CEP112: variants seen among roughly 807,000 people sequenced by gnomAD.
CEP112 encodes the protein centrosomal protein of 112 kDa.
In CEP112, 127 loss-of-function variants were observed where a neutral mutation model predicts 153.0. The ratio of observed to expected loss-of-function variants is 0.83; its 90% CI spans 0.72 to 0.96. The LOEUF is 0.96. Among genes scored for constraint, CEP112 ranks in the 40% least tolerant of loss-of-function variants. The probability of loss-of-function intolerance (pLI) is 0.00; values close to 1 mark genes in which losing one functional copy is unlikely to be tolerated. For synonymous variants in CEP112, 358 were observed against 374.4 expected (o/e 0.96, Z 0.51); for missense variants, 1,089 against 1,101.2 (o/e 0.99, Z 0.16).
At chr17:66,098,160 C>G (rs2068424266) in intron 6 of CEP112, among the ~76,000 whole-genome samples, 1 of 152,214 alleles carries the variant, frequency 6.6e-6, no homozygotes, top group African/African-American at 2.4e-5. Flanking sequence ...CCTGCTGTTT[C>G]TGTACCTCGC....
At chr17:65,721,186 A>G (rs1567914305) in intron 23 of CEP112, among the ~76,000 whole-genome samples, 1 of 151,706 alleles carries the variant, frequency 6.6e-6, no homozygotes, top group East Asian at 1.9e-4. Flanking sequence ...AATTTTTTGT[A>G]TTTTTAGTAG....
intron 12 of CEP112, among the ~76,000 whole-genome samples, chr17:66,037,743 G>T (rs1339129464): frequency 6.6e-6 from 1 of 152,002 alleles, no homozygotes; most frequent in Non-Finnish European, 1.5e-5. Flanking sequence ...AGTCCCTTCA[G>T]CACACTACTC....
intron 25 of CEP112, 63 bp from the exon 26 acceptor site, chr17:65,637,251 A>T: frequency 9.4e-7 from 1 of 1,060,104 alleles, no homozygotes; most frequent in Non-Finnish European, 1.5e-6. Context: ...TTGTGCAAAT[A>T]GTATGGTAAG....
intron 17 of CEP112, among the ~76,000 whole-genome samples, chr17:65,987,154 T>C (rs560564073): frequency 1.3e-5 from 2 of 152,232 alleles, no homozygotes; most frequent in Admixed American, 6.5e-5. Flanking sequence ...TGAGGAATCG[T>C]AAAGAAGACC....
chr17:66,141,483 TCA>T (rs1372512364), intron 4 of CEP112, among the ~76,000 whole-genome samples: 1 of 152,204 alleles, frequency 6.6e-6, no homozygotes, highest in Non-Finnish European at 1.5e-5. Context: ...GCAGCTATAA[TCA>T]CAGTGTTGTG....
intron 21 of CEP112, among the ~76,000 whole-genome samples, chr17:65,780,938 T>C (rs1195931766): frequency 1.3e-5 from 2 of 152,126 alleles, no homozygotes; most frequent in Admixed American, 1.3e-4. Flanking sequence ...TACTTTTTGG[T>C]TCAATTGGGT....
chr17:65,733,323 T>C (rs1032421067), intron 23 of CEP112, among the ~76,000 whole-genome samples: 2 of 152,132 alleles, frequency 1.3e-5, no homozygotes, highest in Admixed American at 1.3e-4. Context: ...AGATCACTGA[T>C]AACAGATCAC....
intron 16 of CEP112, among the ~76,000 whole-genome samples, chr17:66,009,642 T>C (rs996544041): frequency 3.0e-4 from 45 of 152,212 alleles, no homozygotes; most frequent in Non-Finnish European, 6.3e-4. Flanking sequence ...TGTTTGCTTA[T>C]GGTATAGGGA....
chr17:65,726,523 G>A (rs2050189474), intron 23 of CEP112, among the ~76,000 whole-genome samples: 1 of 152,068 alleles, frequency 6.6e-6, no homozygotes, highest in African/African-American at 2.4e-5. Flanking sequence ...GAGAAGGCAG[G>A]TTGCGTGGCT....
chr17:65,984,101 A>C (rs1184029534), intron 17 of CEP112, among the ~76,000 whole-genome samples: 1 of 152,158 alleles, frequency 6.6e-6, no homozygotes, highest in East Asian at 1.9e-4. Flanking sequence ...TAAATATTTG[A>C]CAATTTTATT....
At chr17:65,735,210 T>C (rs2050730688) in intron 23 of CEP112, among the ~76,000 whole-genome samples, 1 of 152,208 alleles carries the variant, frequency 6.6e-6, no homozygotes, top group African/African-American at 2.4e-5. Context: ...TCAGTTGTTA[T>C]CCTTGAAATG....
At chr17:65,673,857 C>T (rs1410560407) in intron 24 of CEP112, among the ~76,000 whole-genome samples, 1 of 152,186 alleles carries the variant, frequency 6.6e-6, no homozygotes, top group African/African-American at 2.4e-5. Context: ...AAATGATTAA[C>T]ATACAGACTA....
In CEP112 at chr17:66,069,943, T is replaced by C; in HGVS notation, c.827A>G (p.Gln276Arg). Reference protein sequence around the residue: ...AKFHEEKLKLQQKHDADVQKI... With the variant: ...AKFHEEKLKLRQKHDADVQKI... ...CTGAACATCAGCATCATGTTTCTGT[T>C]GCAGTTTAAGCTTTTCTTCATGAAA... Residue 276 changes from glutamine (Q) to arginine (R), a missense_variant, in exon 9 of 27, where the codon CAA (glutamine) becomes CGA (arginine). Gln to Arg is a conservative substitution (Grantham distance 43). Transcript: ENST00000535342. The C allele has an allele frequency of 1.2e-6, 2 of 1,606,180 alleles. No individual in the cohort carries two copies. The highest frequency in any genetic ancestry group is 1.7e-6 in the Non-Finnish European group (2 of 1,174,932).
chr17:65,945,789 G>A (rs890320099), intron 18 of CEP112, among the ~76,000 whole-genome samples: 1 of 152,098 alleles, frequency 6.6e-6, no homozygotes, highest in Non-Finnish European at 1.5e-5. Flanking sequence ...TGGGATTACA[G>A]GTGCCTGCCA....
chr17:65,945,655 A>T (rs553437315), intron 18 of CEP112, among the ~76,000 whole-genome samples: 6 of 151,108 alleles, frequency 4.0e-5, no homozygotes, highest in African/African-American at 7.3e-5. Flanking sequence ...CTTTTTATTT[A>T]TTTTTTTTGA....
At chr17:65,692,224 A>ATTTT (rs35586515) in intron 23 of CEP112, among the ~76,000 whole-genome samples, 4 of 126,862 alleles carry the variant, frequency 3.2e-5, no homozygotes, top group African/African-American at 3.0e-5. Flanking sequence ...CTGCACTGGA[A>ATTTT]TTTTTTTTTT....
At chr17:65,772,807 C>A (rs2053451063) in intron 21 of CEP112, among the ~76,000 whole-genome samples, 1 of 152,014 alleles carries the variant, frequency 6.6e-6, no homozygotes, top group Non-Finnish European at 1.5e-5. Context: ...TGAAAGAGAT[C>A]TGCACAGGGT....
chr17:66,047,354 T>C (rs945015931), intron 12 of CEP112, among the ~76,000 whole-genome samples: 2 of 152,210 alleles, frequency 1.3e-5, no homozygotes, highest in African/African-American at 4.8e-5. Flanking sequence ...TGACCTCAAG[T>C]GATCCGCCCA....
intron 16 of CEP112, among the ~76,000 whole-genome samples, chr17:66,023,915 C>T (rs1284474373): frequency 1.3e-5 from 2 of 151,842 alleles, no homozygotes; most frequent in South Asian, 4.2e-4. Flanking sequence ...TGCAAAAATC[C>T]ATAATAAAAT....
Sources: gnomAD v4.1 joint callset for allele counts (sites outside exome capture counted in the v4.1 genomes callset) on GRCh38, gnomAD v4.1.1 for gene constraint, MANE v1.5 for transcripts, NCBI Gene and HGNC (gene_info 2026-07-23, HGNC 2026-07-21) for gene names.